Variants in COL23A1 observed in about 807,000 individuals in gnomAD.
COL23A1 encodes collagen alpha-1(XXIII) chain.
Under a neutral mutation model 99.3 loss-of-function variants are expected in COL23A1, and 97 were observed. The observed-to-expected ratio is 0.98, with a 90% confidence interval of 0.83 to 1.16. The LOEUF (loss-of-function observed/expected upper bound fraction) is 1.16. Ranked by LOEUF, COL23A1 falls within the 50% of genes most tolerant of loss-of-function variation. The pLI is 0.00. For synonymous variants in COL23A1, 320 were observed against 308.2 expected, an observed-to-expected ratio of 1.04 and a Z score of -0.40; for missense variants, 762 against 757.4, an observed-to-expected ratio of 1.01 and a Z score of -0.07.
In COL23A1 at chr5:178,254,946, T is replaced by C. The variant is rs1291791870; in HGVS notation, c.960+3A>G. Reference sequence around the variant, plus strand: ...CACATCCTGGTCCCACCAGGAACACTACCTTGAGGGCATCCAAGATCCTGC... The same window carrying C: ...CACATCCTGGTCCCACCAGGAACACCACCTTGAGGGCATCCAAGATCCTGC... On this transcript the variant is annotated splice_donor_region_variant and intron_variant, in intron 16 of 28. Transcript: ENST00000390654. 6.3e-7 allele frequency: 1 copy of C among 1,575,052 alleles called. No homozygotes were observed. The highest frequency in any genetic ancestry group is 8.6e-7 in the Non-Finnish European group (1 of 1,165,224).
chr5:178,467,517 T>C (rs1756484228), intron 2 of COL23A1, among the ~76,000 whole-genome samples: 1 of 152,062 alleles, frequency 6.6e-6, no homozygotes, highest in Non-Finnish European at 1.5e-5. Flanking sequence ...TAGCTATGTG[T>C]GTTGTCTTGT....
intron 2 of COL23A1, among the ~76,000 whole-genome samples, chr5:178,341,569 G>A (rs1431257951): frequency 6.6e-5 from 10 of 152,208 alleles, no homozygotes; most frequent in South Asian, 2.1e-4. Context: ...TGTTTTCCAC[G>A]GATGGCTCTG....
intron 1 of COL23A1, among the ~76,000 whole-genome samples, chr5:178,571,910 A>G (rs1238733536): frequency 2.0e-5 from 3 of 152,228 alleles, no homozygotes; most frequent in South Asian, 4.1e-4. Flanking sequence ...TCTACTAAAA[A>G]TACAAAAACT....
rs908130702 is a variant in COL23A1, at chr5:178,567,748, A to C, written c.295-7000T>G. Among the ~76,000 whole-genome samples the C allele has an allele frequency of 3.3e-5, 5 of 152,364 alleles. No individual in the cohort carries two copies. In the East Asian group the frequency reaches 7.7e-4, roughly 23 times the overall value. ...AGCTTAGAATGGCCAAAGCTGGAAC[A>C]ATTTAAGCAACAAAATAAATAATGT... On this transcript the variant is annotated intron_variant, in intron 1 of 28. Coordinates refer to ENST00000390654, the MANE Select transcript of COL23A1 (RefSeq NM_173465.4).
intron 2 of COL23A1, among the ~76,000 whole-genome samples, chr5:178,460,032 T>C (rs1319422998): frequency 6.6e-6 from 1 of 152,208 alleles, no homozygotes; most frequent in Non-Finnish European, 1.5e-5. Context: ...TGTTTTCTAT[T>C]ATGTGTATGC....
chr5:178,501,016 A>G lies in COL23A1; in HGVS notation c.361+59666T>C, dbSNP rs146086676. 4.4e-3 allele frequency among the ~76,000 whole-genome samples: 672 copies of G among 152,350 alleles called. 2 individuals carry two copies. Among genetic ancestry groups the G allele is most frequent in the African/African-American group, 0.016 (653 of 41,576 alleles). On this transcript the variant is annotated intron_variant, in intron 2 of 28. Transcript: ENST00000390654. ...ATACATAAAGAACTCTTACAAGTCA[A>G]TAGGGCCCAGTTTCTAGGTAGATGG... is the stretch of plus-strand genomic sequence containing the variant.
At chr5:178,546,211 G>A (rs1013707938) in intron 2 of COL23A1, among the ~76,000 whole-genome samples, 1 of 152,200 alleles carries the variant, frequency 6.6e-6, no homozygotes, top group East Asian at 1.9e-4. Context: ...GGTGGCGGGG[G>A]GCAGATATGT....
chr5:178,477,725 T>C (rs1757108623), intron 2 of COL23A1, among the ~76,000 whole-genome samples: 1 of 152,144 alleles, frequency 6.6e-6, no homozygotes, highest in Non-Finnish European at 1.5e-5. Context: ...TACCCCTCCT[T>C]CCTTCCCGCT....
chr5:178,249,716 A>ACACACACACTCTCTCTCTCTCTCT, intron 18 of COL23A1, among the ~76,000 whole-genome samples: 12 of 92,804 alleles, frequency 1.3e-4, no homozygotes, highest in Admixed American at 6.5e-4. Flanking sequence ...ACACACACAC[A>ACACACACACTCTCTCTCTCTCTCT]CTCTCTCTCT....
At chr5:178,528,805 C>A (rs140534622) in intron 2 of COL23A1, among the ~76,000 whole-genome samples, 28 of 152,312 alleles carry the variant, frequency 1.8e-4, no homozygotes, top group African/African-American at 6.7e-4. Flanking sequence ...AGTGAAACTC[C>A]ATCTCAATAA....
At chr5:178,530,154 T>C (rs1760562781) in intron 2 of COL23A1, among the ~76,000 whole-genome samples, 1 of 152,178 alleles carries the variant, frequency 6.6e-6, no homozygotes, top group East Asian at 1.9e-4. Flanking sequence ...TCTTTTGAGA[T>C]TCTTCCCATC....
chr5:178,301,614 T>C (rs1758037079), intron 3 of COL23A1, among the ~76,000 whole-genome samples: 2 of 152,378 alleles, frequency 1.3e-5, no homozygotes, highest in Middle Eastern at 3.4e-3. Context: ...TGCTCTCCGT[T>C]GAGGGCCTTT....
intron 2 of COL23A1, among the ~76,000 whole-genome samples, chr5:178,364,482 C>T (rs1762356501): frequency 8.4e-6 from 1 of 118,528 alleles, no homozygotes; most frequent in African/African-American, 3.1e-5. Flanking sequence ...GAGTACTCAG[C>T]CTTGGTCCCC....
chr5:178,247,931 T>C (rs1581443442), intron 20 of COL23A1, 100 bp from the exon 21 acceptor site: 1 of 1,093,326 alleles, frequency 9.1e-7, no homozygotes, highest in East Asian at 2.5e-5. Context: ...GTCTCCTTCC[T>C]GCCCCCCAGA....
intron 19 of COL23A1, among the ~76,000 whole-genome samples, chr5:178,248,713 G>A (rs1238094257): frequency 6.6e-6 from 1 of 152,206 alleles, no homozygotes; most frequent in Non-Finnish European, 1.5e-5. Flanking sequence ...TGAGGGAGGG[G>A]AATGATCACC....
At chr5:178,288,605 T>G in intron 4 of COL23A1, 1 of 594,460 alleles carries the variant, frequency 1.7e-6, no homozygotes. Flanking sequence ...ATGTGTGCCC[T>G]CCCCACGCTG....
intron 27 of COL23A1, among the ~76,000 whole-genome samples, chr5:178,239,784 C>T (rs1764294708): frequency 8.8e-6 from 1 of 113,080 alleles, no homozygotes; most frequent in Non-Finnish European, 1.6e-5. Context: ...CTGGGTCCTG[C>T]CGAGAGCCGT....
chr5:178,284,630 G>T (rs897208779), intron 5 of COL23A1, among the ~76,000 whole-genome samples: 1 of 151,874 alleles, frequency 6.6e-6, no homozygotes, highest in African/African-American at 2.4e-5. Context: ...TGACTGTAAG[G>T]GTGAAAAATT....
At chr5:178,579,406 GA>G (rs1458691465) in intron 1 of COL23A1, among the ~76,000 whole-genome samples, 2 of 152,202 alleles carry the variant, frequency 1.3e-5, no homozygotes, top group African/African-American at 4.8e-5. Context: ...CACACAGCTG[GA>G]AAATAGCAGT....
Sources: gnomAD v4.1 joint callset for allele counts (sites outside exome capture counted in the v4.1 genomes callset) on GRCh38, gnomAD v4.1.1 for gene constraint, MANE v1.5 for transcripts, NCBI Gene and HGNC (gene_info 2026-07-23, HGNC 2026-07-21) for gene names.